The following KLHL32 variants were observed in gnomAD, a reference collection of about 807,000 sequenced individuals.
KLHL32 encodes kelch like family member 32, also known as kelch-like protein 32.
In KLHL32, 35 loss-of-function variants were observed where a neutral mutation model predicts 64.8. That is an observed-to-expected ratio of 0.54 (90% CI 0.41 to 0.72). KLHL32 has a LOEUF of 0.72. KLHL32 is among the 30% of genes least tolerant of loss of function. KLHL32 has a pLI of 0.00. For missense variants in KLHL32, 589 were observed against 768.5 expected, an observed-to-expected ratio of 0.77 and a Z score of 2.76; for synonymous variants, 259 against 281.0, an observed-to-expected ratio of 0.92 and a Z score of 0.78.
At chr6:97,076,039 T>TC (rs1408570143) in intron 5 of KLHL32, among the ~76,000 whole-genome samples, 1 of 152,124 alleles carries the variant, frequency 6.6e-6, no homozygotes, top group African/African-American at 2.4e-5. Context: ...GAAATGCAGC[T>TC]CCCCCATCCG....
At chr6:97,066,248 A>G (rs545816483) in intron 5 of KLHL32, among the ~76,000 whole-genome samples, 16 of 152,286 alleles carry the variant, frequency 1.1e-4, no homozygotes, top group African/African-American at 3.9e-4. Context: ...ATGCTGACAC[A>G]GTTTGGTTAG....
intron 3 of KLHL32, among the ~76,000 whole-genome samples, chr6:97,024,045 A>C (rs1782377024): frequency 6.6e-6 from 1 of 152,232 alleles, no homozygotes; most frequent in African/African-American, 2.4e-5. Flanking sequence ...GTTGTCTGTG[A>C]GTAGAAGTTG....
intron 5 of KLHL32, among the ~76,000 whole-genome samples, chr6:97,079,138 T>C (rs1431178117): frequency 1.3e-5 from 2 of 152,222 alleles, no homozygotes; most frequent in Admixed American, 6.5e-5. Context: ...GTGGCATTAT[T>C]TCATAGGCTT....
At chr6:96,966,906 GGAATTCAGAAACT>G in intron 1 of KLHL32, 77 bp from the exon 2 acceptor site, 1 of 623,684 alleles carries the variant, frequency 1.6e-6, no homozygotes, top group Non-Finnish European at 2.9e-6. Context: ...CTGTCTCCCT[GGAATTCAGAAACT>G]TTAGCATCAG....
chr6:96,923,478 T>A (rs187038414), upstream of KLHL32, among the ~76,000 whole-genome samples: 81 of 152,294 alleles, frequency 5.3e-4, no homozygotes, highest in African/African-American at 1.9e-3. Context: ...GCTAGATAAG[T>A]AGGTACCCAG....
chr6:96,949,383 CT>C (rs1474817909), intron 1 of KLHL32, among the ~76,000 whole-genome samples: 3 of 152,146 alleles, frequency 2.0e-5, no homozygotes, highest in African/African-American at 7.2e-5. Flanking sequence ...TTTGTTCACA[CT>C]TGTTATCATT....
intron 6 of KLHL32, among the ~76,000 whole-genome samples, chr6:97,098,705 T>C (rs1280803023): frequency 6.6e-6 from 1 of 152,186 alleles, no homozygotes; most frequent in South Asian, 2.1e-4. Context: ...ATTTAAAAAA[T>C]AAATGAGAAT....
At chr6:96,973,730 C>CTTTTTT (rs558193523) in intron 2 of KLHL32, among the ~76,000 whole-genome samples, 30,467 of 118,356 alleles carry the variant, frequency 0.26, 4,865 homozygotes, top group South Asian at 0.32. Context: ...TACAGATTGC[C>CTTTTTT]TTTTTTTTTT....
intron 4 of KLHL32, among the ~76,000 whole-genome samples, chr6:97,060,434 C>A (rs946605117): frequency 3.9e-5 from 6 of 152,052 alleles, no homozygotes; most frequent in African/African-American, 1.4e-4. Context: ...GTGGGGTGTC[C>A]CTACTCCCAC....
intron 3 of KLHL32, among the ~76,000 whole-genome samples, chr6:96,997,052 G>T (rs1778489329): frequency 1.3e-5 from 2 of 152,092 alleles, no homozygotes; most frequent in Admixed American, 1.3e-4. Context: ...AGTGAGTGTG[G>T]TTGAGGGTCA....
At chr6:96,936,671 G>T (rs571819667) in intron 1 of KLHL32, among the ~76,000 whole-genome samples, 1 of 152,266 alleles carries the variant, frequency 6.6e-6, no homozygotes, top group African/African-American at 2.4e-5. Flanking sequence ...GCCTCCTATA[G>T]ACTCTTCTCC....
At chr6:97,017,120 A>G (rs942714702) in intron 3 of KLHL32, among the ~76,000 whole-genome samples, 13 of 152,228 alleles carry the variant, frequency 8.5e-5, no homozygotes, top group African/African-American at 2.9e-4. Context: ...TAAAGTCAGT[A>G]TGACTGGAAT....
intron 8 of KLHL32, among the ~76,000 whole-genome samples, chr6:97,128,288 T>G (rs1319176813): frequency 6.6e-6 from 1 of 152,240 alleles, no homozygotes; most frequent in Non-Finnish European, 1.5e-5. Flanking sequence ...CTGTATTTAA[T>G]GAAGGCATTT....
intron 7 of KLHL32, among the ~76,000 whole-genome samples, chr6:97,124,066 A>G (rs1290248472): frequency 4.6e-5 from 7 of 152,236 alleles, no homozygotes; most frequent in Non-Finnish European, 1.0e-4. Flanking sequence ...TGCTAAAGAA[A>G]TGTGGGCTGC....
chr6:97,127,509 A>G, intron 8 of KLHL32, 47 bp downstream of exon 8: 1 of 1,459,920 alleles, frequency 6.8e-7, no homozygotes, highest in Middle Eastern at 1.8e-4. Context: ...AATGAATTTT[A>G]AAAGATTCCA....
At chr6:96,995,476 C>T (rs1326503736) in intron 3 of KLHL32, among the ~76,000 whole-genome samples, 2 of 152,206 alleles carry the variant, frequency 1.3e-5, no homozygotes, top group Admixed American at 1.3e-4. Flanking sequence ...CTAACTTTCC[C>T]TTCCTGCTAA....
intron 6 of KLHL32, among the ~76,000 whole-genome samples, chr6:97,085,721 G>A (rs2128179864): frequency 6.6e-6 from 1 of 152,286 alleles, no homozygotes; most frequent in African/African-American, 2.4e-5. Context: ...AGGAGAATCA[G>A]AGTAAATTTG....
chr6:97,025,224 C>G, intron 3 of KLHL32: 1 of 705,306 alleles, frequency 1.4e-6, no homozygotes, highest in Non-Finnish European at 1.7e-6. Flanking sequence ...TGATTTGGAA[C>G]GAATTGTCCA....
chr6:96,968,334 A>T (rs1031741674), intron 2 of KLHL32, among the ~76,000 whole-genome samples: 21 of 152,092 alleles, frequency 1.4e-4, no homozygotes, highest in Non-Finnish European at 2.9e-5. Context: ...AACATCTTGC[A>T]ATGCATAGGG....
Sources: allele counts gnomAD v4.1 joint callset (sites outside exome capture counted in the v4.1 genomes callset), GRCh38; gene constraint gnomAD v4.1.1; transcripts MANE v1.5; gene names NCBI Gene and HGNC (gene_info 2026-07-23, HGNC 2026-07-21).